Variants in SHOC1 observed in about 807,000 individuals in gnomAD.
SHOC1 encodes the protein shortage in chiasmata 1, also known as protein shortage in chiasmata 1 ortholog.
A neutral mutation model predicts 179.2 loss-of-function variants in SHOC1; 136 were observed. The ratio of observed to expected loss-of-function variants is 0.76; its 90% confidence interval spans 0.66 to 0.87. The LOEUF is 0.87. Among genes scored for constraint, SHOC1 ranks in the 40% least tolerant of loss-of-function variants. The probability of loss-of-function intolerance (pLI) is 0.00; values close to 1 mark genes in which losing one functional copy is unlikely to be tolerated. For missense variants in SHOC1, 1,538 were observed against 1,700.8 expected, an observed-to-expected ratio of 0.90 and a Z score of 1.68; for synonymous variants, 489 against 586.6, an observed-to-expected ratio of 0.83 and a Z score of 2.41.
chr9:111,707,060 T>C (rs1026917465), intron 19 of SHOC1, among the ~76,000 whole-genome samples: 1 of 152,096 alleles, frequency 6.6e-6, no homozygotes, highest in African/African-American at 2.4e-5. Context: ...AAAATCAGTC[T>C]CATTTTCTTA....
At chr9:111,783,235 A>G (rs998096627) in intron 3 of SHOC1, among the ~76,000 whole-genome samples, 1 of 152,122 alleles carries the variant, frequency 6.6e-6, no homozygotes, top group African/African-American at 2.4e-5. Context: ...AAAATATTCA[A>G]ATTCACTCTC....
intron 4 of SHOC1, among the ~76,000 whole-genome samples, chr9:111,779,994 T>C (rs1352774162): frequency 6.6e-6 from 1 of 152,232 alleles, no homozygotes; most frequent in East Asian, 1.9e-4. Context: ...TCCTCGCTGC[T>C]AGGAGTTTAC....
At chr9:111,761,521 C>G (rs1835136142) in intron 5 of SHOC1, among the ~76,000 whole-genome samples, 1 of 151,908 alleles carries the variant, frequency 6.6e-6, no homozygotes, top group Admixed American at 6.6e-5. Flanking sequence ...AACAAACAAA[C>G]AAACAAACCT....
intron 24 of SHOC1, among the ~76,000 whole-genome samples, chr9:111,699,326 T>C (rs1831850647): frequency 6.6e-6 from 1 of 152,180 alleles, no homozygotes; most frequent in South Asian, 2.1e-4. Flanking sequence ...GTTTTGGACA[T>C]GTAGAGTTTG....
rs185569270 is a variant in SHOC1, at chr9:111,692,084, C to A, written c.3893G>T (p.Gly1298Val). The A allele has an allele frequency of 4.3e-6, 7 of 1,613,750 alleles. No individual in the cohort carries two copies. In the African/African-American group the frequency reaches 6.7e-5, roughly 15 times the overall value. The part of the protein sequence containing the change: ...SDSESDVFSL[G>V]LTQMNCETIK... ...AGTTTCACAGTTCATTTGTGTTAGACCCAAAGAAAAGACATCTGACTCTGA... is the reference window on the plus strand; with the variant it reads ...AGTTTCACAGTTCATTTGTGTTAGAACCAAAGAAAAGACATCTGACTCTGA... Residue 1298 changes from glycine (G) to valine (V), a missense_variant, in exon 27 of 28, where the codon GGT (glycine) becomes GTT (valine). Physicochemically the swap from Gly to Val is moderately radical, Grantham distance 109. Transcript: ENST00000682961.
chr9:111,750,287 T>C, intron 8 of SHOC1, among the ~76,000 whole-genome samples: 1 of 151,890 alleles, frequency 6.6e-6, no homozygotes. Flanking sequence ...TGATCAGGGA[T>C]GTTAAGGTTT....
At chr9:111,702,064 G>A (rs1831996358) in intron 23 of SHOC1, 41 bp downstream of exon 23, 1 of 1,385,492 alleles carries the variant, frequency 7.2e-7, no homozygotes, top group Admixed American at 2.3e-5. Context: ...TTAGGATTAA[G>A]AAATACGAAC....
chr9:111,737,326 A>G (rs1172062433), intron 12 of SHOC1, among the ~76,000 whole-genome samples: 1 of 152,234 alleles, frequency 6.6e-6, no homozygotes, highest in Non-Finnish European at 1.5e-5. Context: ...AGTAATTTCT[A>G]AAATTTATTT....
intron 12 of SHOC1, among the ~76,000 whole-genome samples, chr9:111,732,889 C>G (rs1054532775): frequency 6.6e-6 from 1 of 152,174 alleles, no homozygotes; most frequent in Non-Finnish European, 1.5e-5. Context: ...TGTCAAAATT[C>G]ATCAAACTGT....
Position 111,769,975 on chromosome 9 carries a change from G to GTTTTT in SHOC1, c.442+5811_442+5815dup. Among the ~76,000 whole-genome samples, 37 of 87,794 alleles carry GTTTTT rather than the reference G, an allele frequency of 4.2e-4. 1 individual carries two copies. The highest frequency in any genetic ancestry group is 5.5e-4 in the Non-Finnish European group (25 of 45,746). The allele number at this position is 87,794 out of a possible 152,430, so 57.6% of individuals were successfully genotyped here. On this transcript the variant is annotated intron_variant, in intron 5 of 27. Coordinates refer to ENST00000682961, the MANE Select transcript of SHOC1 (RefSeq NM_001378211.1). Reference sequence around the variant, plus strand: ...AATCTAGCGAAAGGTTTTATCTTCTGTTTTTTTTTTGTTTTTTTTTTTTTT... The same window carrying GTTTTT: ...AATCTAGCGAAAGGTTTTATCTTCTGTTTTTTTTTTTTTTTGTTTTTTTTTTTTTT...
At chr9:111,711,318 C>A (rs1347376810) in intron 18 of SHOC1, among the ~76,000 whole-genome samples, 1 of 152,216 alleles carries the variant, frequency 6.6e-6, no homozygotes, top group Middle Eastern at 3.4e-3. Flanking sequence ...GAAGCCCAAC[C>A]TTTCTTAATT....
At chr9:111,753,189 G>A (rs1834678447) in intron 8 of SHOC1, among the ~76,000 whole-genome samples, 1 of 152,082 alleles carries the variant, frequency 6.6e-6, no homozygotes, top group South Asian at 2.1e-4. Context: ...TACTCACAAA[G>A]CAATACGCTT....
chr9:111,765,299 T>C (rs150187769), intron 5 of SHOC1, among the ~76,000 whole-genome samples: 1 of 151,890 alleles, frequency 6.6e-6, no homozygotes, highest in African/African-American at 2.4e-5. Flanking sequence ...AAAGATTAAC[T>C]CAAAACTCTG....
chr9:111,780,971 G>T lies in SHOC1; in HGVS notation c.216C>A (p.Asp72Glu). Residue 72 changes from aspartate (D) to glutamate (E), a missense_variant, in exon 4 of 28, where the codon GAC becomes GAA. By Grantham distance (45) the Asp-to-Glu change is conservative. Transcript: ENST00000682961. ...CCACAAAGAAACTTGCTTTCCATTGGTCCAAGACTGAGGTATCTGTCATTC... is the reference window on the plus strand; with the variant it reads ...CCACAAAGAAACTTGCTTTCCATTGTTCCAAGACTGAGGTATCTGTCATTC... ...VPGMTDTSVL[D>E]QWKASFFVED... 1 of 1,613,526 alleles carries T rather than the reference G, an allele frequency of 6.2e-7. No homozygotes were observed. Among genetic ancestry groups the T allele is most frequent in the Non-Finnish European group, 8.5e-7 (1 of 1,179,678 alleles).
intron 12 of SHOC1, among the ~76,000 whole-genome samples, chr9:111,729,888 C>CAA (rs34638806): frequency 0.58 from 82,306 of 141,670 alleles, 25,236 homozygotes; most frequent in East Asian, 0.78. Flanking sequence ...GACTTGGTCT[C>CAA]AAAAAAAAAA....
intron 15 of SHOC1, among the ~76,000 whole-genome samples, chr9:111,719,922 C>G (rs575895028): frequency 1.1e-4 from 16 of 152,230 alleles, no homozygotes; most frequent in African/African-American, 2.6e-4. Flanking sequence ...AGAAAACAGA[C>G]TTTAAAAATA....
At chr9:111,737,705 C>A (rs998523404) in intron 12 of SHOC1, among the ~76,000 whole-genome samples, 14 of 147,280 alleles carry the variant, frequency 9.5e-5, no homozygotes, top group African/African-American at 7.7e-5. Flanking sequence ...CCCCCACACA[C>A]AAAATATATA....
At chr9:111,749,967 T>A (rs932349389) in intron 8 of SHOC1, among the ~76,000 whole-genome samples, 1 of 152,216 alleles carries the variant, frequency 6.6e-6, no homozygotes, top group Non-Finnish European at 1.5e-5. Context: ...CTATTGTGAA[T>A]AGTGCTGCAA....
chr9:111,762,662 C>A (rs1300599063), intron 5 of SHOC1, among the ~76,000 whole-genome samples: 1 of 151,958 alleles, frequency 6.6e-6, no homozygotes, highest in East Asian at 1.9e-4. Flanking sequence ...AAAATTCAAT[C>A]CTCATTCATG....
Sources: allele counts gnomAD v4.1 joint callset (sites outside exome capture counted in the v4.1 genomes callset), GRCh38; gene constraint gnomAD v4.1.1; transcripts MANE v1.5; gene names NCBI Gene and HGNC (gene_info 2026-07-23, HGNC 2026-07-21).